PLXNA4: variants seen among roughly 807,000 people sequenced by gnomAD.
PLXNA4 encodes plexin A4, also known as plexin-A4.
In PLXNA4, 44 loss-of-function variants were observed where a neutral mutation model predicts 191.8. The ratio of observed to expected loss-of-function variants is 0.23; its 90% CI spans 0.18 to 0.29. PLXNA4 has a LOEUF of 0.29. Among genes scored for constraint, PLXNA4 ranks in the 10% least tolerant of loss-of-function variants. The pLI, the probability that PLXNA4 is intolerant of heterozygous loss-of-function variation, is 1.00. For synonymous variants in PLXNA4, 1,082 were observed against 1,009.5 expected (o/e 1.07, Z -1.36); for missense variants, 1,800 against 2,488.8 (o/e 0.72, Z 5.89).
At chr7:132,320,014 G>A (rs17166341) in intron 3 of PLXNA4, among the ~76,000 whole-genome samples, 8,557 of 152,302 alleles carry the variant, frequency 0.056, 318 homozygotes, top group African/African-American at 0.08. Flanking sequence ...CAAGCAACCT[G>A]GAGCTGCACC....
intron 3 of PLXNA4, among the ~76,000 whole-genome samples, chr7:132,316,767 A>G (rs758021630): frequency 6.2e-4 from 94 of 152,306 alleles, no homozygotes; most frequent in Non-Finnish European, 1.1e-3. Context: ...CTATCTTGGC[A>G]CCCACTTCTT....
intron 3 of PLXNA4, among the ~76,000 whole-genome samples, chr7:132,406,919 G>T (rs951819997): frequency 1.3e-5 from 2 of 152,058 alleles, no homozygotes; most frequent in African/African-American, 4.8e-5. Context: ...TGTTCATTTT[G>T]AGGGGAAAAC....
chr7:132,623,365 A>G (rs115530536), intron 2 of PLXNA4, among the ~76,000 whole-genome samples: 1,803 of 151,922 alleles, frequency 0.012, 49 homozygotes, highest in African/African-American at 0.041. Context: ...AAATAAAATA[A>G]AGAAAGAAAA....
intron 2 of PLXNA4, among the ~76,000 whole-genome samples, chr7:132,593,199 G>C (rs545145703): frequency 6.6e-6 from 1 of 152,228 alleles, no homozygotes; most frequent in East Asian, 1.9e-4. Context: ...CACAATTGAC[G>C]CGCAGCGTGG....
chr7:132,189,175 A>T (rs1797012275), intron 14 of PLXNA4, among the ~76,000 whole-genome samples: 1 of 151,464 alleles, frequency 6.6e-6, no homozygotes, highest in African/African-American at 2.4e-5. Context: ...CCTGTGGGTG[A>T]GGGTTCTTAG....
chr7:132,138,499 A>G (rs1325494665), intron 30 of PLXNA4, among the ~76,000 whole-genome samples: 2 of 152,126 alleles, frequency 1.3e-5, no homozygotes, highest in Non-Finnish European at 2.9e-5. Flanking sequence ...GTGGACGTGG[A>G]CTTGTCCCTC....
chr7:132,578,188 C>CCTAGGGGG (rs1563185349), upstream of PLXNA4, among the ~76,000 whole-genome samples: 15 of 152,280 alleles, frequency 9.9e-5, no homozygotes, highest in Admixed American at 4.6e-4. Flanking sequence ...AATGGGCCCA[C>CCTAGGGGG]CCACCAAGAG....
chr7:132,525,347 TCAAA>T (rs1799358847), intron 1 of PLXNA4, among the ~76,000 whole-genome samples: 1 of 152,180 alleles, frequency 6.6e-6, no homozygotes, highest in Non-Finnish European at 1.5e-5. Flanking sequence ...ACACTTGGAC[TCAAA>T]CAATCCTCCC....
At chr7:132,234,755 T>C (rs966763753) in intron 5 of PLXNA4, among the ~76,000 whole-genome samples, 6 of 152,088 alleles carry the variant, frequency 3.9e-5, no homozygotes, top group African/African-American at 1.4e-4. Flanking sequence ...TGATCTAGTC[T>C]GGGACTCATT....
intron 1 of PLXNA4, among the ~76,000 whole-genome samples, chr7:132,520,500 C>T (rs769985362): frequency 7.2e-5 from 11 of 152,188 alleles, no homozygotes; most frequent in African/African-American, 2.2e-4. Flanking sequence ...TTAGACCCCT[C>T]GACAGGTTGA....
chr7:132,579,124 C>T (rs898484699), upstream of PLXNA4, among the ~76,000 whole-genome samples: 3 of 152,210 alleles, frequency 2.0e-5, no homozygotes, highest in Non-Finnish European at 4.4e-5. Flanking sequence ...GATCCTGACA[C>T]TGCTTCTAGG....
At chr7:132,400,729 A>G (rs13245439) in intron 3 of PLXNA4, among the ~76,000 whole-genome samples, 7,672 of 152,170 alleles carry the variant, frequency 0.05, 216 homozygotes, top group Non-Finnish European at 0.066. Flanking sequence ...CTACTCCCCA[A>G]ACCTTTCATC....
rs113501778 is a variant in PLXNA4, at chr7:132,265,050, A to T, written c.1504-23884T>A. 7.8e-3 allele frequency among the ~76,000 whole-genome samples: 1,195 copies of T among 152,344 alleles called. 27 individuals are homozygous for T. The highest frequency in any genetic ancestry group is 0.027 in the African/African-American group (1,112 of 41,566). On this transcript the variant is annotated intron_variant, in intron 4 of 31. Coordinates refer to ENST00000321063, the MANE Select transcript of PLXNA4 (RefSeq NM_020911.2). Reference sequence around the variant, plus strand: ...CTTGATCCCAGAAGTAGATAAAATCAGCTTTTAAACAACGACAAATGCAAC... The same window carrying T: ...CTTGATCCCAGAAGTAGATAAAATCTGCTTTTAAACAACGACAAATGCAAC...
chr7:132,575,304 T>C (rs536935244), intron 1 of PLXNA4, among the ~76,000 whole-genome samples: 47 of 152,126 alleles, frequency 3.1e-4, no homozygotes, highest in Non-Finnish European at 2.9e-5. Context: ...TTTCGGGAAA[T>C]AGGACCTTAA....
chr7:132,318,034 A>T (rs1802013674), intron 3 of PLXNA4, among the ~76,000 whole-genome samples: 1 of 152,256 alleles, frequency 6.6e-6, no homozygotes, highest in South Asian at 2.1e-4. Flanking sequence ...TGAAGACCCG[A>T]GTAACCCGGT....
intron 2 of PLXNA4, 50 bp from the exon 3 acceptor site, chr7:132,489,524 G>A (rs756418182): frequency 1.4e-6 from 2 of 1,436,626 alleles, no homozygotes; most frequent in Non-Finnish European, 1.9e-6. Flanking sequence ...AAGGAAATTG[G>A]CAGAGATATT....
intron 3 of PLXNA4, among the ~76,000 whole-genome samples, chr7:132,311,314 G>A (rs936081908): frequency 5.9e-5 from 9 of 152,098 alleles, no homozygotes; most frequent in Middle Eastern, 3.4e-3. Context: ...GGTATGATTC[G>A]GTGCCTCCTG....
At chr7:132,561,070 C>A (rs748592879) in intron 1 of PLXNA4, among the ~76,000 whole-genome samples, 18 of 152,168 alleles carry the variant, frequency 1.2e-4, no homozygotes, top group African/African-American at 3.6e-4. Flanking sequence ...AATCCCTTAG[C>A]TGGATACTGA....
chr7:132,608,426 A>T (rs1017569964), intron 2 of PLXNA4, among the ~76,000 whole-genome samples: 1 of 152,230 alleles, frequency 6.6e-6, no homozygotes, highest in Non-Finnish European at 1.5e-5. Flanking sequence ...GGTAGAATGA[A>T]TAACACAGAG....
Sources: allele counts gnomAD v4.1 joint callset (sites outside exome capture counted in the v4.1 genomes callset), GRCh38; gene constraint gnomAD v4.1.1; transcripts MANE v1.5; gene names NCBI Gene and HGNC (gene_info 2026-07-23, HGNC 2026-07-21).